The following TBXA2R variants were observed in gnomAD, a reference collection of about 807,000 sequenced individuals.
TBXA2R encodes the protein prostanoid TP receptor.
In TBXA2R, 15 loss-of-function variants were observed where a neutral mutation model predicts 15.6. That is an observed-to-expected ratio of 0.96 (90% CI 0.64 to 1.48). The LOEUF is 1.48. TBXA2R is among the 40% of genes most tolerant of loss of function. The pLI is 0.00. For synonymous variants in TBXA2R, 280 were observed against 241.2 expected (o/e 1.16, Z -1.49); for missense variants, 506 against 491.4 (o/e 1.03, Z -0.28).
Position 3,605,245 on chromosome 19 carries a change from G to A in TBXA2R, c.-84+1285C>T, listed in dbSNP as rs2145300836. Among the ~76,000 whole-genome samples, 3 of 152,356 alleles carry A rather than the reference G, an allele frequency of 2.0e-5. No homozygotes were observed. In the South Asian group the frequency reaches 6.2e-4, roughly 32 times the overall value. On this transcript the variant is annotated intron_variant, in intron 1 of 2. Transcript: ENST00000375190. ...GGGGCCAGCAGGGACCAGGGGGCGG[G>A]ACCCGGGAGGTGCAGCTGGTGGTTA...
rs183325499 is a variant in TBXA2R, at chr19:3,596,057, C to G, written c.787-124G>C. On this transcript the variant is annotated intron_variant, in intron 2 of 2. Transcript: ENST00000375190. ...TTTAATTTTATTTTTGAGACAGGGT[C>G]TCACTCTGTCGTCCAGGCTGGAGTG... The G allele has an allele frequency of 1.4e-3, 1,798 of 1,252,804 alleles. 19 individuals are homozygous for G. The African/African-American group carries it at 0.021, about 15-fold the overall frequency. 77.6% of individuals were successfully genotyped at this position (1,252,804 alleles called of 1,614,324 possible).
In TBXA2R at chr19:3,600,059, C is replaced by T; in HGVS notation, c.576G>A (p.Gly192=). Residue 192 remains glycine, a synonymous_variant, in exon 2 of 3, where the codon GGG becomes GGA. Coordinates refer to ENST00000375190, the MANE Select transcript of TBXA2R (RefSeq NM_001060.6). The stretch of plus-strand genomic sequence containing the variant: ...AGAAGAGCAGCCCGAAGGCCACGTC[C>T]CCGGACTCGGCGCCCAGCGTCAGGA... ...WCFLTLGAES[G]DVAFGLLFSM... 1 of 1,612,590 alleles carries T rather than the reference C, an allele frequency of 6.2e-7. No individual in the cohort carries two copies. The highest frequency in any genetic ancestry group is 8.5e-7 in the Non-Finnish European group (1 of 1,179,730).
At chr19:3,601,522 C>G (rs529259863) in intron 1 of TBXA2R, among the ~76,000 whole-genome samples, 68 of 109,518 alleles carry the variant, frequency 6.2e-4, no homozygotes, top group Non-Finnish European at 1.1e-3. Context: ...GACCCTGTCT[C>G]AAAAAAAAAA....
At position 3,595,778 on chromosome 19, in the gene TBXA2R, G is replaced by GGCGC. The variant is rs1568281813; in HGVS notation, c.938_941dup (p.Val315ArgfsTer77). On this transcript the variant is annotated frameshift_variant, in exon 3 of 3. Coordinates refer to ENST00000375190, the MANE Select transcript of TBXA2R (RefSeq NM_001060.6). LOFTEE classifies it low-confidence loss of function (END_TRUNC). The stretch of plus-strand genomic sequence containing the variant: ...GGCGAGGCTGGAGACGCCGGAGCAC[G>GGCGC]GCGCGGCGGAACAGGATATACACCC... 2 of 1,609,876 alleles carry GGCGC rather than the reference G, an allele frequency of 1.2e-6. No homozygotes were observed. Among genetic ancestry groups the GGCGC allele is most frequent in the South Asian group, 2.2e-5 (2 of 90,312 alleles).
chr19:3,597,710 A>G (rs1022604847), intron 2 of TBXA2R, among the ~76,000 whole-genome samples: 2 of 152,098 alleles, frequency 1.3e-5, no homozygotes, highest in African/African-American at 4.8e-5. Flanking sequence ...AAGCGGGCAG[A>G]TCACGAGGTC....
Position 3,595,019 on chromosome 19 carries a change from G to A in TBXA2R, c.*669C>T. On this transcript the variant is annotated 3_prime_UTR_variant, in exon 3 of 3. Transcript: ENST00000375190. ...CGCTTGAACCCGGGAGGCGGAGGTTGCAGTGAGCCGAGATCGTGCCACTGT... is the reference window on the plus strand; with the variant it reads ...CGCTTGAACCCGGGAGGCGGAGGTTACAGTGAGCCGAGATCGTGCCACTGT... The A allele has an allele frequency of 7.4e-7, 1 of 1,344,438 alleles. No individual in the cohort carries two copies. The highest frequency in any genetic ancestry group is 1.0e-6 in the Non-Finnish European group (1 of 981,784). The allele number at this position is 1,344,438 out of a possible 1,614,324, so 83.3% of individuals were successfully genotyped here. A position where few individuals can be genotyped will look rare whatever the true frequency, so the allele number is the denominator to read the frequency against.
rs1374647806 is a variant in TBXA2R, at chr19:3,594,720, T to C, written c.*968A>G. 4.6e-6 allele frequency: 4 copies of C among 878,392 alleles called. No individual in the cohort carries two copies. The highest frequency in any genetic ancestry group is 1.7e-5 in the African/African-American group (1 of 59,030). 54.4% of individuals were successfully genotyped at this position (878,392 alleles called of 1,614,324 possible). A position where few individuals can be genotyped will look rare whatever the true frequency, so the allele number is the denominator to read the frequency against. ...CCTTCCCAGCCCTGCCCTCGTCTGC[T>C]CCGGGTGAGGCCCAATGCACAAACT... On this transcript the variant is annotated 3_prime_UTR_variant, in exon 3 of 3. Coordinates refer to ENST00000375190, the MANE Select transcript of TBXA2R (RefSeq NM_001060.6).
chr19:3,596,706 C>T lies in TBXA2R; in HGVS notation c.787-773G>A, dbSNP rs185197026. ...ACGCCATTCTCCTGCCTCAGCCTCCCGAGTAGCTGGGACTACAGGCGCCCA... is the reference window on the plus strand; with the variant it reads ...ACGCCATTCTCCTGCCTCAGCCTCCTGAGTAGCTGGGACTACAGGCGCCCA... On this transcript the variant is annotated intron_variant, in intron 2 of 2. Transcript: ENST00000375190. 6.5e-3 allele frequency among the ~76,000 whole-genome samples: 979 copies of T among 151,280 alleles called. 5 individuals are homozygous for T. Among genetic ancestry groups the T allele is most frequent in the African/African-American group, 0.023 (931 of 41,150 alleles).
At position 3,595,074 on chromosome 19, in the gene TBXA2R, C is replaced by T. The variant is rs897782202; in HGVS notation, c.*614G>A. ...CAGGCTGGGCCACAGAGTGAGACTC[C>T]GTCTAAAAAAAAAAAAAAAAATGGC... is the stretch of plus-strand genomic sequence containing the variant. On this transcript the variant is annotated 3_prime_UTR_variant, in exon 3 of 3. Transcript: ENST00000375190. The T allele has an allele frequency of 4.5e-5, 30 of 660,344 alleles. No individual in the cohort carries two copies. The highest frequency in any genetic ancestry group is 2.8e-4 in the African/African-American group (12 of 43,332). The allele number at this position is 660,344 out of a possible 1,614,324, so 40.9% of individuals were successfully genotyped here.
At position 3,600,410 on chromosome 19, in the gene TBXA2R, G is replaced by C; in HGVS notation, c.225C>G (p.Phe75Leu). The C allele has an allele frequency of 6.2e-7, 1 of 1,613,420 alleles. No homozygotes were observed. Among genetic ancestry groups the C allele is most frequent in the South Asian group, 1.1e-5 (1 of 91,082 alleles). ...TGGTACCGGTCACCAGCAGCCCCAG[G>C]AAGTCGGTGAGGACGAGGCCGCAGA... ...TFLCGLVLTD[F>L]LGLLVTGTIV... The change falls in exon 2 of 3, where the codon TTC (phenylalanine) becomes TTG (leucine). Residue 75 changes from phenylalanine (F) to leucine (L), a missense_variant. Physicochemically the swap from Phe to Leu is conservative, Grantham distance 22. Coordinates refer to ENST00000375190, the MANE Select transcript of TBXA2R (RefSeq NM_001060.6).
chr19:3,599,857 G>A lies in TBXA2R; in HGVS notation c.778C>T (p.Pro260Ser), dbSNP rs746660127. 6 of 1,549,044 alleles carry A rather than the reference G, an allele frequency of 3.9e-6. No homozygotes were observed. In the South Asian group the frequency reaches 6.0e-5, roughly 15 times the overall value. Residue 260 changes from proline (P) to serine (S), a missense_variant, in exon 2 of 3, where the codon CCC (proline) becomes TCC (serine). Physicochemically the swap from Pro to Ser is moderately conservative, Grantham distance 74. Coordinates refer to ENST00000375190, the MANE Select transcript of TBXA2R (RefSeq NM_001060.6). ...IMVVASVCWL[P>S]LLVFIAQTVL... Reference sequence around the variant, plus strand: ...GCAGAGCCCCTACTCACCAGAAGGGGCAGCCAACACACGCTGGCCACCACC... The same window carrying A: ...GCAGAGCCCCTACTCACCAGAAGGGACAGCCAACACACGCTGGCCACCACC...
chr19:3,594,883 G>A lies in TBXA2R; in HGVS notation c.*805C>T. 6.5e-7 allele frequency: 1 copy of A among 1,536,928 alleles called. No individual in the cohort carries two copies. The highest frequency in any genetic ancestry group is 8.7e-7 in the Non-Finnish European group (1 of 1,146,870). On this transcript the variant is annotated 3_prime_UTR_variant, in exon 3 of 3. Transcript: ENST00000375190. ...TTCCCTGTTGGAGGTTCAAAAGGAA[G>A]CAACTGTACCCCAGCAAGTAGGTCA...
intron 1 of TBXA2R, among the ~76,000 whole-genome samples, chr19:3,605,030 G>A (rs751135090): frequency 2.0e-5 from 3 of 152,206 alleles, no homozygotes; most frequent in South Asian, 2.1e-4. Flanking sequence ...CTCCATTTCC[G>A]AGAACATTTC....
rs201236133 is a variant in TBXA2R at position 3,600,478 on chromosome 19, G to A, written c.157C>T (p.Arg53Trp). Reference sequence around the variant, plus strand: ...GAGCGCGTGTGCGAACCCCCCTGCCGCGCGCCCGCCAGCACGCTCAGGGCC... The same window carrying A: ...GAGCGCGTGTGCGAACCCCCCTGCCACGCGCCCGCCAGCACGCTCAGGGCC... ...LLALSVLAGA[R>W]QGGSHTRSSF... is the part of the protein sequence containing the mutation. Residue 53 changes from arginine (R) to tryptophan (W), a missense_variant, in exon 2 of 3, where the codon CGG becomes TGG. Coordinates refer to ENST00000375190, the MANE Select transcript of TBXA2R (RefSeq NM_001060.6). 1.5e-4 allele frequency: 243 copies of A among 1,612,568 alleles called. 5 individuals carry two copies. The Middle Eastern group carries it at 2.9e-3, about 19-fold the overall frequency.
intron 2 of TBXA2R, among the ~76,000 whole-genome samples, chr19:3,598,340 CT>C (rs1452162686): frequency 2.3e-5 from 3 of 131,172 alleles, no homozygotes; most frequent in African/African-American, 9.3e-5. Flanking sequence ...TTCTTTCTTT[CT>C]TTTCTTTTCT....
At chr19:3,598,544 G>T (rs1445464012) in intron 2 of TBXA2R, among the ~76,000 whole-genome samples, 1 of 151,652 alleles carries the variant, frequency 6.6e-6, no homozygotes, top group Non-Finnish European at 1.5e-5. Flanking sequence ...TAGAGATGGG[G>T]TTTCAACATG....
At chr19:3,599,810 G>A (rs2032681376) in intron 2 of TBXA2R, 39 bp downstream of exon 2, 1 of 1,548,484 alleles carries the variant, frequency 6.5e-7, no homozygotes, top group African/African-American at 1.4e-5. Context: ...CAGAGGTCCA[G>A]TCAGGAGGGT....
intron 1 of TBXA2R, 43 bp from the exon 2 acceptor site, chr19:3,600,760 T>G: frequency 2.8e-6 from 3 of 1,074,338 alleles, no homozygotes; most frequent in Non-Finnish European, 4.1e-6. Flanking sequence ...ATTCTGCATT[T>G]CAGTGTAAGT....
In TBXA2R at chr19:3,604,693, A is replaced by G. The variant is rs533763222; in HGVS notation, c.-84+1837T>C. Among the ~76,000 whole-genome samples, 8 of 152,246 alleles carry G rather than the reference A, an allele frequency of 5.3e-5. No individual in the cohort carries two copies. The East Asian group carries it at 1.5e-3, about 29-fold the overall frequency. On this transcript the variant is annotated intron_variant, in intron 1 of 2. Coordinates refer to ENST00000375190, the MANE Select transcript of TBXA2R (RefSeq NM_001060.6). ...AGCCTCAGTTTCCCCGCTCTGTGCA[A>G]TGGGGGTGAGCTTCTGATCTCCATG...
Sources: gnomAD v4.1 joint callset for allele counts (sites outside exome capture counted in the v4.1 genomes callset) on GRCh38, gnomAD v4.1.1 for gene constraint, MANE v1.5 for transcripts, NCBI Gene and HGNC (gene_info 2026-07-23, HGNC 2026-07-21) for gene names.